EYS: variants seen among roughly 807,000 people sequenced by gnomAD.
EYS encodes the protein protein eyes shut homolog.
Under a neutral mutation model 282.1 loss-of-function variants are expected in EYS, and 250 were observed. The ratio of observed to expected loss-of-function variants is 0.89; its 90% CI spans 0.80 to 0.98. The LOEUF (loss-of-function observed/expected upper bound fraction) is 0.98. Ranked by LOEUF, EYS falls within the 50% of genes least tolerant of loss-of-function variation. The pLI is 0.00. For synonymous variants in EYS, 1,355 were observed against 1,282.9 expected, an observed-to-expected ratio of 1.06 and a Z score of -1.20; for missense variants, 4,016 against 3,709.0, an observed-to-expected ratio of 1.08 and a Z score of -2.15.
At chr6:64,058,664 T>A (rs1771064845) in intron 33 of EYS, among the ~76,000 whole-genome samples, 1 of 152,184 alleles carries the variant, frequency 6.6e-6, no homozygotes, top group African/African-American at 2.4e-5. Context: ...CCCCATCAAT[T>A]ATTGCTATTC....
intron 26 of EYS, among the ~76,000 whole-genome samples, chr6:64,581,254 A>G (rs35059324): frequency 1.3e-5 from 2 of 152,018 alleles, no homozygotes; most frequent in African/African-American, 2.4e-5. Context: ...TTAAGTGGTC[A>G]GCATGTGAAG....
intron 39 of EYS, among the ~76,000 whole-genome samples, chr6:63,781,726 T>C (rs1324550359): frequency 6.6e-6 from 1 of 152,212 alleles, no homozygotes; most frequent in Non-Finnish European, 1.5e-5. Context: ...CTTTTCCTTA[T>C]TGAATTCCCT....
At chr6:64,577,619 A>G (rs1453276171) in intron 26 of EYS, among the ~76,000 whole-genome samples, 1 of 152,126 alleles carries the variant, frequency 6.6e-6, no homozygotes, top group African/African-American at 2.4e-5. Flanking sequence ...TTCAACGTGA[A>G]GATACAAATC....
At chr6:64,258,973 C>T (rs1223726981) in intron 30 of EYS, among the ~76,000 whole-genome samples, 3 of 152,036 alleles carry the variant, frequency 2.0e-5, no homozygotes, top group African/African-American at 7.2e-5. Context: ...TACTGTATTA[C>T]ATAATACATA....
At chr6:64,387,884 G>A (rs1772965880) in intron 29 of EYS, among the ~76,000 whole-genome samples, 2 of 151,736 alleles carry the variant, frequency 1.3e-5, no homozygotes, top group African/African-American at 2.4e-5. Flanking sequence ...ATTTTATCTT[G>A]TATACTACGG....
chr6:63,753,505 G>T (rs1769397800), intron 41 of EYS, among the ~76,000 whole-genome samples: 1 of 152,024 alleles, frequency 6.6e-6, no homozygotes, highest in Non-Finnish European at 1.5e-5. Context: ...ACTGCTATAT[G>T]GGAAGCAAGG....
chr6:64,799,250 CT>C (rs535114689), intron 22 of EYS, among the ~76,000 whole-genome samples: 14 of 151,748 alleles, frequency 9.2e-5, no homozygotes, highest in Admixed American at 7.2e-4. Context: ...TCTCATCTTT[CT>C]TTACTTCCAT....
intron 22 of EYS, among the ~76,000 whole-genome samples, chr6:64,728,472 C>T (rs997253573): frequency 1.3e-5 from 2 of 152,024 alleles, no homozygotes; most frequent in Admixed American, 6.5e-5. Flanking sequence ...GTAGCTGGGG[C>T]TACAGGCGCC....
intron 5 of EYS, among the ~76,000 whole-genome samples, chr6:65,426,484 A>T (rs1767668394): frequency 6.6e-6 from 1 of 152,126 alleles, no homozygotes; most frequent in African/African-American, 2.4e-5. Flanking sequence ...ACTTTGGATA[A>T]GAGGCAATGT....
intron 28 of EYS, among the ~76,000 whole-genome samples, chr6:64,416,053 C>G (rs1774049831): frequency 6.6e-6 from 1 of 152,144 alleles, no homozygotes; most frequent in Non-Finnish European, 1.5e-5. Context: ...AAGTTGGTCT[C>G]TCCTTGGAAA....
intron 29 of EYS, among the ~76,000 whole-genome samples, chr6:64,335,707 T>A (rs1170191239): frequency 6.6e-6 from 1 of 152,032 alleles, no homozygotes; most frequent in African/African-American, 2.4e-5. Context: ...AAGGAAAGAA[T>A]CTTAAGAGCT....
At chr6:65,111,262 TTTTG>T (rs1461180053) in intron 12 of EYS, among the ~76,000 whole-genome samples, 4 of 152,036 alleles carry the variant, frequency 2.6e-5, no homozygotes, top group African/African-American at 7.2e-5. Flanking sequence ...GCTTTTTATT[TTTTG>T]TTTGTTTGTT....
At chr6:64,880,342 C>T (rs1392531993) in intron 19 of EYS, among the ~76,000 whole-genome samples, 2 of 151,824 alleles carry the variant, frequency 1.3e-5, no homozygotes, top group African/African-American at 2.4e-5. Flanking sequence ...TATATACATG[C>T]TATGAAGATT....
At chr6:64,323,776 G>A (rs944116955) in intron 29 of EYS, among the ~76,000 whole-genome samples, 1 of 152,064 alleles carries the variant, frequency 6.6e-6, no homozygotes, top group Non-Finnish European at 1.5e-5. Context: ...CTGTGAATTG[G>A]AGTAGAAATA....
chr6:64,992,336 A>G (rs1336296423), intron 14 of EYS, among the ~76,000 whole-genome samples: 1 of 151,884 alleles, frequency 6.6e-6, no homozygotes, highest in Non-Finnish European at 1.5e-5. Flanking sequence ...GAACAAATTC[A>G]TGTCAAAGCT....
intron 22 of EYS, among the ~76,000 whole-genome samples, chr6:64,629,007 C>T (rs1163110961): frequency 6.6e-6 from 1 of 152,080 alleles, no homozygotes; most frequent in African/African-American, 2.4e-5. Context: ...ATTGCAGTTT[C>T]TTTAGCTTTT....
chr6:64,204,048 A>G (rs1461400735), intron 31 of EYS, among the ~76,000 whole-genome samples: 1 of 152,216 alleles, frequency 6.6e-6, no homozygotes, highest in Non-Finnish European at 1.5e-5. Context: ...ACTATATATG[A>G]AAATAAACTA....
At chr6:64,415,801 G>T (rs1774043518) in intron 28 of EYS, among the ~76,000 whole-genome samples, 1 of 152,134 alleles carries the variant, frequency 6.6e-6, no homozygotes, top group African/African-American at 2.4e-5. Context: ...CATCTCGTAA[G>T]GAAATGCTCT....
chr6:63,984,014 A>G (rs992047207), intron 35 of EYS, among the ~76,000 whole-genome samples: 5 of 151,608 alleles, frequency 3.3e-5, no homozygotes, highest in African/African-American at 1.2e-4. Context: ...TATAAAAATT[A>G]ATAAATATAA....
Sources: gnomAD v4.1 joint callset for allele counts (sites outside exome capture counted in the v4.1 genomes callset) on GRCh38, gnomAD v4.1.1 for gene constraint, MANE v1.5 for transcripts, NCBI Gene and HGNC (gene_info 2026-07-23, HGNC 2026-07-21) for gene names.